The following GRIN3A variants were observed in gnomAD, a reference collection of about 807,000 sequenced individuals.
GRIN3A encodes glutamate receptor ionotropic, NMDA 3A.
Under a neutral mutation model 92.4 loss-of-function variants are expected in GRIN3A, and 47 were observed. The ratio of observed to expected loss-of-function variants is 0.51; its 90% CI spans 0.40 to 0.65. GRIN3A has a LOEUF of 0.65. Ranked by LOEUF, GRIN3A falls within the 30% of genes least tolerant of loss-of-function variation. GRIN3A has a pLI of 0.00. For synonymous variants in GRIN3A, 527 were observed against 540.6 expected (o/e 0.97, Z 0.35); for missense variants, 1,324 against 1,393.1 (o/e 0.95, Z 0.79).
At chr9:101,724,357 G>C (rs1172050261) in intron 1 of GRIN3A, among the ~76,000 whole-genome samples, 1 of 152,180 alleles carries the variant, frequency 6.6e-6, no homozygotes, top group Admixed American at 6.5e-5. Flanking sequence ...CTCTGGCCCG[G>C]GTGCTAAGCC....
At chr9:101,641,337 G>A (rs1008194413) in intron 3 of GRIN3A, among the ~76,000 whole-genome samples, 6 of 152,074 alleles carry the variant, frequency 3.9e-5, no homozygotes, top group Non-Finnish European at 7.4e-5. Context: ...ACATGCACAC[G>A]TATGTTTATT....
intron 3 of GRIN3A, among the ~76,000 whole-genome samples, chr9:101,647,498 C>A (rs983935940): frequency 5.3e-5 from 8 of 151,146 alleles, no homozygotes; most frequent in Non-Finnish European, 8.9e-5. Context: ...TACTAGGATG[C>A]TGTTGATCTT....
intron 6 of GRIN3A, among the ~76,000 whole-genome samples, chr9:101,591,331 G>C (rs1218836536): frequency 6.6e-6 from 1 of 152,152 alleles, no homozygotes; most frequent in Non-Finnish European, 1.5e-5. Context: ...GGCTTGATTT[G>C]ATGACATGGT....
chr9:101,711,662 C>T (rs1829880784), intron 1 of GRIN3A, among the ~76,000 whole-genome samples: 1 of 152,058 alleles, frequency 6.6e-6, no homozygotes, highest in Non-Finnish European at 1.5e-5. Flanking sequence ...ATCACCCCAG[C>T]AATACTTCTT....
intron 2 of GRIN3A, among the ~76,000 whole-genome samples, chr9:101,681,011 T>G (rs974227011): frequency 1.3e-5 from 2 of 152,198 alleles, no homozygotes; most frequent in Non-Finnish European, 2.9e-5. Flanking sequence ...TCCAGACTCT[T>G]GGGATTCTTA....
At chr9:101,577,946 C>T in intron 7 of GRIN3A, 102 bp from the exon 8 acceptor site, 1 of 842,636 alleles carries the variant, frequency 1.2e-6, no homozygotes, top group South Asian at 1.4e-5. Context: ...TCGTTACAAA[C>T]CTTGGCCTCT....
chr9:101,587,959 G>T (rs1827969575), intron 6 of GRIN3A, among the ~76,000 whole-genome samples: 1 of 151,894 alleles, frequency 6.6e-6, no homozygotes, highest in Non-Finnish European at 1.5e-5. Flanking sequence ...TGATTATTTT[G>T]CCCAGAAGAA....
chr9:101,702,602 C>T (rs117760148), intron 1 of GRIN3A, among the ~76,000 whole-genome samples: 2,085 of 152,202 alleles, frequency 0.014, 25 homozygotes, highest in South Asian at 0.026. Flanking sequence ...ACTGTCTTTG[C>T]CTCTCTTCTT....
chr9:101,635,010 A>G (rs895959863), intron 3 of GRIN3A, among the ~76,000 whole-genome samples: 4 of 152,238 alleles, frequency 2.6e-5, no homozygotes, highest in African/African-American at 9.6e-5. Flanking sequence ...TGAATTACTA[A>G]GTACATCTTA....
chr9:101,631,880 T>C (rs1828720292), intron 3 of GRIN3A, among the ~76,000 whole-genome samples: 1 of 152,188 alleles, frequency 6.6e-6, no homozygotes, highest in Non-Finnish European at 1.5e-5. Context: ...ATCCACATAT[T>C]CCCTTTCTTC....
rs1036260405 is a variant in GRIN3A at position 101,725,979 on chromosome 9, G to A, written c.699+11302C>T. On this transcript the variant is annotated intron_variant, in intron 1 of 8. Coordinates refer to ENST00000361820, the MANE Select transcript of GRIN3A (RefSeq NM_133445.3). ...TCTCTGTCTAATAATAATATATTAC[G>A]TATTTATTTGTTTGCATGTCTTATT... Among the ~76,000 whole-genome samples, 6 of 151,956 alleles carry A rather than the reference G, an allele frequency of 3.9e-5. No individual in the cohort carries two copies. The East Asian group carries it at 5.8e-4, about 15-fold the overall frequency.
At chr9:101,623,186 G>C in intron 5 of GRIN3A, 132 bp downstream of exon 5, 1 of 714,470 alleles carries the variant, frequency 1.4e-6, no homozygotes, top group South Asian at 1.5e-5. Flanking sequence ...ATAGCTAAGT[G>C]CTTATGAGTT....
intron 1 of GRIN3A, among the ~76,000 whole-genome samples, chr9:101,709,300 A>T (rs1564149693): frequency 6.6e-6 from 1 of 152,230 alleles, no homozygotes; most frequent in Non-Finnish European, 1.5e-5. Context: ...GCTTCAGATG[A>T]TAATAAATAC....
At chr9:101,602,251 C>T (rs897470666) in intron 6 of GRIN3A, among the ~76,000 whole-genome samples, 3 of 152,310 alleles carry the variant, frequency 2.0e-5, no homozygotes, top group Non-Finnish European at 2.9e-5. Flanking sequence ...AGGGCAATTT[C>T]TCACAATTTT....
intron 5 of GRIN3A, among the ~76,000 whole-genome samples, chr9:101,614,609 C>CTT (rs754003481): frequency 0.021 from 1,740 of 83,086 alleles, 287 homozygotes; most frequent in East Asian, 0.044. Flanking sequence ...ATATGTGATA[C>CTT]TTTTTTTTTT....
intron 3 of GRIN3A, among the ~76,000 whole-genome samples, chr9:101,669,361 C>T (rs1829285369): frequency 6.6e-6 from 1 of 152,124 alleles, no homozygotes; most frequent in African/African-American, 2.4e-5. Context: ...TACACTTCCT[C>T]TTCCTTCTTC....
At chr9:101,690,354 AC>A (rs1829598785) in intron 1 of GRIN3A, among the ~76,000 whole-genome samples, 1 of 152,100 alleles carries the variant, frequency 6.6e-6, no homozygotes, top group Admixed American at 6.6e-5. Flanking sequence ...TGGAGATGAA[AC>A]TCCACTCTAC....
intron 3 of GRIN3A, among the ~76,000 whole-genome samples, chr9:101,637,228 G>C (rs1773936960): frequency 6.6e-6 from 1 of 152,094 alleles, no homozygotes; most frequent in African/African-American, 2.4e-5. Context: ...GAGTAGATGG[G>C]ACTACAGGCG....
intron 6 of GRIN3A, among the ~76,000 whole-genome samples, chr9:101,590,945 A>G (rs941875982): frequency 5.3e-5 from 8 of 152,244 alleles, no homozygotes; most frequent in African/African-American, 1.7e-4. Context: ...TTTCTAAAGC[A>G]TGAGAGAATA....
Sources: gnomAD v4.1 joint callset for allele counts (sites outside exome capture counted in the v4.1 genomes callset) on GRCh38, gnomAD v4.1.1 for gene constraint, MANE v1.5 for transcripts, NCBI Gene and HGNC (gene_info 2026-07-23, HGNC 2026-07-21) for gene names.